SCD: variants seen among roughly 807,000 people sequenced by gnomAD.
SCD encodes the protein acyl-CoA desaturase.
In SCD, 4 loss-of-function variants were observed where a neutral mutation model predicts 35.7. That is an observed-to-expected ratio of 0.11 (90% CI 0.06 to 0.26). The LOEUF is 0.26. Among genes scored for constraint, SCD ranks in the 10% least tolerant of loss-of-function variants. SCD has a pLI of 1.00. For missense variants in SCD, 282 were observed against 460.7 expected, an observed-to-expected ratio of 0.61 and a Z score of 3.55; for synonymous variants, 150 against 170.2, an observed-to-expected ratio of 0.88 and a Z score of 0.92.
chr10:100,350,002 C>T (rs1849854125), intron 2 of SCD, among the ~76,000 whole-genome samples: 1 of 152,216 alleles, frequency 6.6e-6, no homozygotes, highest in South Asian at 2.1e-4. Context: ...ACCCGATTGC[C>T]TCTGCTTGGT....
chr10:100,348,296 T>C lies in SCD; in HGVS notation c.260T>C (p.Leu87Pro). 1 of 1,614,162 alleles carries C rather than the reference T, an allele frequency of 6.2e-7. No individual in the cohort carries two copies. Among genetic ancestry groups the C allele is most frequent in the South Asian group, 1.1e-5 (1 of 91,082 alleles). The change falls in exon 2 of 6, where the codon CTG becomes CCG. Residue 87 changes from leucine (L) to proline (P), a missense_variant. By Grantham distance (98) the Leu-to-Pro change is moderately conservative. Coordinates refer to ENST00000370355, the MANE Select transcript of SCD (RefSeq NM_005063.5). ...ATGTCTCTGCTACACTTGGGAGCCC[T>C]GTATGGGATCACTTTGATTCCTACC... ...ILMSLLHLGA[L>P]YGITLIPTCK... is the part of the protein sequence containing the mutation.
In SCD at chr10:100,364,151, T is replaced by C. The variant is rs1850017871; in HGVS notation, c.*3218T>C. On this transcript the variant is annotated 3_prime_UTR_variant, in exon 6 of 6. Transcript: ENST00000370355. ...TTTTTTTTGGGTTAAAAGATGGTTG[T>C]AGCATTTAAAATGGAAAATTTTCTC... 1.3e-5 allele frequency: 2 copies of C among 151,922 alleles called. No individual in the cohort carries two copies. Among genetic ancestry groups the C allele is most frequent in the East Asian group, 1.9e-4 (1 of 5,172 alleles). The allele number at this position is 151,922 out of a possible 1,614,324, so 9.4% of individuals were successfully genotyped here.
intron 5 of SCD, among the ~76,000 whole-genome samples, chr10:100,358,022 G>T (rs967941386): frequency 3.3e-5 from 5 of 151,952 alleles, no homozygotes; most frequent in African/African-American, 1.2e-4. Flanking sequence ...TTGTTGTTGA[G>T]ACAGTCTCAC....
chr10:100,347,964 C>T (rs1849819533), intron 1 of SCD, 100 bp from the exon 2 acceptor site: 2 of 1,210,648 alleles, frequency 1.7e-6, no homozygotes, highest in Non-Finnish European at 2.4e-6. Flanking sequence ...CGGAAGGGTC[C>T]GTACTGTCCA....
chr10:100,347,656 T>C (rs1849814166), intron 1 of SCD, 125 bp downstream of exon 1: 3 of 1,054,888 alleles, frequency 2.8e-6, no homozygotes, highest in Non-Finnish European at 1.4e-6. Flanking sequence ...TTTCGAGTTG[T>C]GCTGCCTTCC....
chr10:100,351,728 C>T (rs1205192228), intron 2 of SCD, among the ~76,000 whole-genome samples: 1 of 152,106 alleles, frequency 6.6e-6, no homozygotes. Flanking sequence ...GCAGCCTCGA[C>T]CTCCTGAGCT....
intron 5 of SCD, 83 bp from the exon 6 acceptor site, chr10:100,360,651 G>A (rs1849980907): frequency 4.3e-6 from 5 of 1,167,582 alleles, no homozygotes; most frequent in Admixed American, 3.5e-5. Context: ...CCAGGTGTGA[G>A]GTACCCTGCT....
chr10:100,355,085 C>G (rs1398227893), intron 4 of SCD, among the ~76,000 whole-genome samples: 1 of 152,234 alleles, frequency 6.6e-6, no homozygotes, highest in Non-Finnish European at 1.5e-5. Context: ...CACACACCGC[C>G]ATGCCTGGCT....
chr10:100,350,819 G>A (rs1230962579), intron 2 of SCD, among the ~76,000 whole-genome samples: 1 of 152,172 alleles, frequency 6.6e-6, no homozygotes, highest in Non-Finnish European at 1.5e-5. Context: ...GGTAGATACT[G>A]TATCTGGGGA....
chr10:100,363,728 G>A lies in SCD; in HGVS notation c.*2795G>A, dbSNP rs1309635831. 1 of 152,724 alleles carries A rather than the reference G, an allele frequency of 6.5e-6. No individual in the cohort carries two copies. Among genetic ancestry groups the A allele is most frequent in the East Asian group, 1.9e-4 (1 of 5,202 alleles). The allele number at this position is 152,724 out of a possible 1,614,324, so 9.5% of individuals were successfully genotyped here. ...TGGCTGTGGGTGTGGGTGGGAGTGTGTCTGCTGAGTAAGGAACACGATTTT... is the reference window on the plus strand; with the variant it reads ...TGGCTGTGGGTGTGGGTGGGAGTGTATCTGCTGAGTAAGGAACACGATTTT... On this transcript the variant is annotated 3_prime_UTR_variant, in exon 6 of 6. Transcript: ENST00000370355.
chr10:100,363,195 A>C lies in SCD; in HGVS notation c.*2262A>C, dbSNP rs200925958. ...AACTAACCAGCATTCCCTACAGCCTAGGGCAGACAATAGTATAGAAGTCTG... is the reference window on the plus strand; with the variant it reads ...AACTAACCAGCATTCCCTACAGCCTCGGGCAGACAATAGTATAGAAGTCTG... On this transcript the variant is annotated 3_prime_UTR_variant, in exon 6 of 6. Transcript: ENST00000370355. 6.6e-6 allele frequency: 1 copy of C among 152,270 alleles called. No homozygotes were observed. The highest frequency in any genetic ancestry group is 2.4e-5 in the African/African-American group (1 of 41,444). 9.4% of individuals were successfully genotyped at this position (152,270 alleles called of 1,614,324 possible).
intron 1 of SCD, 132 bp from the exon 2 acceptor site, chr10:100,347,932 C>A: frequency 3.4e-6 from 3 of 892,944 alleles, no homozygotes; most frequent in Non-Finnish European, 5.2e-6. Flanking sequence ...ATACACCCTA[C>A]CCTCAGTGAA....
chr10:100,347,648 T>C lies in SCD; in HGVS notation c.27+117T>C, dbSNP rs114842382. On this transcript the variant is annotated intron_variant, in intron 1 of 5. Transcript: ENST00000370355. ...TCCGCGGAGGACTTGGTCATCTTTT[T>C]CGAGTTGTGCTGCCTTCCGTGAGTT... is the stretch of plus-strand genomic sequence containing the variant. The C allele has an allele frequency of 4.5e-4, 521 of 1,166,832 alleles. 2 individuals carry two copies. The African/African-American group carries it at 6.9e-3, about 15-fold the overall frequency. The allele number at this position is 1,166,832 out of a possible 1,614,324, so 72.3% of individuals were successfully genotyped here. A position where few individuals can be genotyped will look rare whatever the true frequency, so the allele number is the denominator to read the frequency against.
intron 4 of SCD, among the ~76,000 whole-genome samples, chr10:100,355,301 GAAAT>G (rs3838759): frequency 0.11 from 17,237 of 152,148 alleles, 1,090 homozygotes; most frequent in African/African-American, 0.17. Context: ...GAAGTGATAT[GAAAT>G]AAATAGTGTT....
rs1850007526 is a variant in SCD, at chr10:100,363,246, A to G, written c.*2313A>G. The G allele has an allele frequency of 6.6e-6, 1 of 152,340 alleles. No homozygotes were observed. Among genetic ancestry groups the G allele is most frequent in the Non-Finnish European group, 1.5e-5 (1 of 68,146 alleles). 9.4% of individuals were successfully genotyped at this position (152,340 alleles called of 1,614,324 possible). ...GAAAAAAACAAAAACAGAATTTGAG[A>G]ACCTTGGACCACTCCTGTCCCTGTA... On this transcript the variant is annotated 3_prime_UTR_variant, in exon 6 of 6. Transcript: ENST00000370355.
chr10:100,347,701 T>C (rs575441244), intron 1 of SCD, among the ~76,000 whole-genome samples, 170 bp downstream of exon 1: 3 of 152,182 alleles, frequency 2.0e-5, no homozygotes, highest in Admixed American at 6.5e-5. Flanking sequence ...TTTGGGGACT[T>C]GAGTCTCCAA....
intron 5 of SCD, among the ~76,000 whole-genome samples, chr10:100,357,175 AAAG>A (rs1849937043): frequency 6.6e-6 from 1 of 152,148 alleles, no homozygotes; most frequent in African/African-American, 2.4e-5. Context: ...AACAAACAAA[AAAG>A]AAAACCAAAT....
chr10:100,354,655 T>G (rs1564625889), intron 4 of SCD, 23 bp downstream of exon 4: 1 of 1,588,234 alleles, frequency 6.3e-7, no homozygotes, highest in South Asian at 1.1e-5. Context: ...CTGATGGAGG[T>G]GGGGATATGG....
At chr10:100,350,587 T>C (rs1162981677) in intron 2 of SCD, among the ~76,000 whole-genome samples, 3 of 152,156 alleles carry the variant, frequency 2.0e-5, no homozygotes, top group Non-Finnish European at 2.9e-5. Context: ...GGAATAAATC[T>C]CCAACTGATT....
Sources: allele counts gnomAD v4.1 joint callset (sites outside exome capture counted in the v4.1 genomes callset), GRCh38; gene constraint gnomAD v4.1.1; transcripts MANE v1.5; gene names NCBI Gene and HGNC (gene_info 2026-07-23, HGNC 2026-07-21).